The following SEPTIN9 variants were observed in gnomAD, a reference collection of about 807,000 sequenced individuals.
The protein encoded by SEPTIN9 is septin-9.
In SEPTIN9, 13 loss-of-function variants were observed where a neutral mutation model predicts 56.6. The ratio of observed to expected loss-of-function variants is 0.23; its 90% CI spans 0.15 to 0.37. The LOEUF (loss-of-function observed/expected upper bound fraction) is 0.37. Among genes scored for constraint, SEPTIN9 ranks in the 10% least tolerant of loss-of-function variants. The probability of loss-of-function intolerance (pLI) is 1.00; values close to 1 mark genes in which losing one functional copy is unlikely to be tolerated. For synonymous variants in SEPTIN9, 332 were observed against 334.1 expected (o/e 0.99, Z 0.07); for missense variants, 650 against 823.1 (o/e 0.79, Z 2.57).
At chr17:77,424,122 C>T (rs1439274934) in intron 3 of SEPTIN9, among the ~76,000 whole-genome samples, 2 of 152,256 alleles carry the variant, frequency 1.3e-5, no homozygotes, top group South Asian at 2.1e-4. Context: ...TGCGTCCTGA[C>T]GTACTCCAGG....
intron 4 of SEPTIN9, among the ~76,000 whole-genome samples, chr17:77,484,754 A>ATGGTGGTGGCGGTGG (rs1427289830): frequency 5.1e-5 from 1 of 19,518 alleles, no homozygotes; most frequent in Non-Finnish European, 9.8e-5. Flanking sequence ...GGTGGTTGTG[A>ATGGTGGTGGCGGTGG]TGGTGGTGAT....
Position 77,389,591 on chromosome 17 carries a change from A to G in SEPTIN9, c.77-12468A>G, listed in dbSNP as rs2144025027. 6.6e-6 allele frequency among the ~76,000 whole-genome samples: 1 copy of G among 152,180 alleles called. No homozygotes were observed. The highest frequency in any genetic ancestry group is 2.1e-4 in the South Asian group (1 of 4,814). ...TTATCAGGGAGTCTTTGACCCAAGG[A>G]GACCTGAAAGGTCATCTGGTCCCTC... On this transcript the variant is annotated intron_variant, in intron 2 of 11. Coordinates refer to ENST00000427177, the MANE Select transcript of SEPTIN9 (RefSeq NM_001113491.2). The surrounding 1 kb of genome is among the most constrained non-coding windows in gnomAD (Gnocchi z 4.3).
rs548944613 is a variant in SEPTIN9, at chr17:77,461,287, C to T, written c.722-20857C>T. Among the ~76,000 whole-genome samples the T allele has an allele frequency of 6.6e-5, 10 of 152,122 alleles. No individual in the cohort carries two copies. The South Asian group carries it at 2.1e-3, about 32-fold the overall frequency. On this transcript the variant is annotated intron_variant, in intron 3 of 11. Transcript: ENST00000427177. ...CACCACTGCACTCCAGCCTGGACGA[C>T]AGAGTGAGACTCTGTCTCAAAAAAA... is the stretch of plus-strand genomic sequence containing the variant.
At chr17:77,282,968 G>T (rs887853373) in intron 1 of SEPTIN9, among the ~76,000 whole-genome samples, 13 of 152,166 alleles carry the variant, frequency 8.5e-5, no homozygotes, top group African/African-American at 3.1e-4. Flanking sequence ...TCCAGACAGT[G>T]GGGGTGACCG....
intron 2 of SEPTIN9, among the ~76,000 whole-genome samples, chr17:77,377,568 C>T (rs1468917667): frequency 6.6e-6 from 1 of 152,010 alleles, no homozygotes; most frequent in African/African-American, 2.4e-5. Context: ...CTGAGCTTCT[C>T]CCGAGCCCCC....
At chr17:77,370,816 G>T (rs987440651) in intron 2 of SEPTIN9, among the ~76,000 whole-genome samples, 2 of 152,164 alleles carry the variant, frequency 1.3e-5, no homozygotes, top group African/African-American at 4.8e-5. Flanking sequence ...TAGCAATGAG[G>T]CCTCATTAAA....
At chr17:77,410,316 C>T (rs1163724727) in intron 3 of SEPTIN9, among the ~76,000 whole-genome samples, 1 of 152,150 alleles carries the variant, frequency 6.6e-6, no homozygotes, top group Non-Finnish European at 1.5e-5. Flanking sequence ...CCGGTCTCAT[C>T]CAGTGCAGGT....
chr17:77,358,152 T>C (rs1030812536), intron 2 of SEPTIN9, among the ~76,000 whole-genome samples: 18 of 152,150 alleles, frequency 1.2e-4, no homozygotes, highest in Admixed American at 3.3e-4. Context: ...CCAGTGAATG[T>C]CCCCACGGGG....
intron 2 of SEPTIN9, among the ~76,000 whole-genome samples, chr17:77,368,400 C>T (rs557638847): frequency 1.3e-5 from 2 of 152,174 alleles, no homozygotes; most frequent in African/African-American, 4.8e-5. Context: ...TAACCTCCGC[C>T]TCCCAGGTTC....
intron 3 of SEPTIN9, among the ~76,000 whole-genome samples, chr17:77,468,074 G>A (rs538232405): frequency 6.2e-4 from 95 of 152,180 alleles, no homozygotes; most frequent in Non-Finnish European, 1.2e-3. Context: ...GACCATCCTG[G>A]CTAACACGGT....
At chr17:77,289,254 G>T (rs1168262812) in intron 1 of SEPTIN9, among the ~76,000 whole-genome samples, 1 of 62,914 alleles carries the variant, frequency 1.6e-5, no homozygotes, top group Non-Finnish European at 3.7e-5. Flanking sequence ...GCGCCACCAT[G>T]CCTGGCTAAT....
rs557867017 is a variant in SEPTIN9 at position 77,393,626 on chromosome 17, G to A, written c.77-8433G>A. ...TTATTTGAGATGGAGTTGCGCTCTT[G>A]TTGCCCAGGATAGAGTGCAATGGCA... On this transcript the variant is annotated intron_variant, in intron 2 of 11. Transcript: ENST00000427177. Among the ~76,000 whole-genome samples the A allele has an allele frequency of 3.3e-5, 5 of 152,208 alleles. No individual in the cohort carries two copies. In the South Asian group the frequency reaches 1.0e-3, roughly 32 times the overall value.
In SEPTIN9 at chr17:77,364,906, C is replaced by G. The variant is rs376079110; in HGVS notation, c.77-37153C>G. On this transcript the variant is annotated intron_variant, in intron 2 of 11. Transcript: ENST00000427177. ...CAGGCCCAGGCCGCTGAGGCTGGCTCCAGAAATTTCTTCACAACCACCACT... is the reference window on the plus strand; with the variant it reads ...CAGGCCCAGGCCGCTGAGGCTGGCTGCAGAAATTTCTTCACAACCACCACT... 6.8e-4 allele frequency among the ~76,000 whole-genome samples: 104 copies of G among 152,336 alleles called. 1 individual carries two copies. The highest frequency in any genetic ancestry group is 2.5e-3 in the African/African-American group (103 of 41,576).
At chr17:77,489,002 A>G in intron 7 of SEPTIN9, 138 bp downstream of exon 7, 1 of 1,121,544 alleles carries the variant, frequency 8.9e-7, no homozygotes, top group African/African-American at 1.5e-5. Context: ...CCAGCTATGA[A>G]GTTGGGGGTG....
intron 2 of SEPTIN9, among the ~76,000 whole-genome samples, chr17:77,325,999 G>A (rs1008114020): frequency 1.3e-5 from 2 of 152,148 alleles, no homozygotes; most frequent in African/African-American, 4.8e-5. Flanking sequence ...GCGTGAGGGT[G>A]TCAGCCTTTT....
rs988140796 is a variant in SEPTIN9, at chr17:77,369,249, A to G, written c.77-32810A>G. Among the ~76,000 whole-genome samples the G allele has an allele frequency of 6.6e-6, 1 of 152,116 alleles. No individual in the cohort carries two copies. Among genetic ancestry groups the G allele is most frequent in the Non-Finnish European group, 1.5e-5 (1 of 68,004 alleles). On this transcript the variant is annotated intron_variant, in intron 2 of 11. Coordinates refer to ENST00000427177, the MANE Select transcript of SEPTIN9 (RefSeq NM_001113491.2). This position sits in a 1 kb window ranked among gnomAD's most constrained non-coding sequence, Gnocchi z 4.9. ...ACCCTGTCAAAAAAGAAAAGAAAAG[A>G]AAGAAATTGGCCAAGGCAGGAATAT...
Position 77,364,515 on chromosome 17 carries a change from C to T in SEPTIN9, c.77-37544C>T, listed in dbSNP as rs141892094. Among the ~76,000 whole-genome samples, 1,074 of 152,288 alleles carry T rather than the reference C, an allele frequency of 7.1e-3. 7 individuals carry two copies. The highest frequency in any genetic ancestry group is 0.018 in the South Asian group (89 of 4,828). On this transcript the variant is annotated intron_variant, in intron 2 of 11. Transcript: ENST00000427177. ...CCTCTTTGGAGTGTGCTGGGCAGAG[C>T]GGAGAGGTTCCTCTTCTCTCTTCTC...
At position 77,329,161 on chromosome 17, in the gene SEPTIN9, C is replaced by T. The variant is rs1223369016; in HGVS notation, c.76+21964C>T. Among the ~76,000 whole-genome samples, 1 of 152,222 alleles carries T rather than the reference C, an allele frequency of 6.6e-6. No homozygotes were observed. Among genetic ancestry groups the T allele is most frequent in the Non-Finnish European group, 1.5e-5 (1 of 68,040 alleles). On this transcript the variant is annotated intron_variant, in intron 2 of 11. Transcript: ENST00000427177. This position sits in a 1 kb window ranked among gnomAD's most constrained non-coding sequence, Gnocchi z 4.3. ...GATTTTATTCTCACTATGGTGGGACCTCAGTGCCCTGTGGCTGCTGAGAAT... is the reference window on the plus strand; with the variant it reads ...GATTTTATTCTCACTATGGTGGGACTTCAGTGCCCTGTGGCTGCTGAGAAT...
At chr17:77,380,704 T>C (rs2143964493) in intron 2 of SEPTIN9, among the ~76,000 whole-genome samples, 1 of 152,242 alleles carries the variant, frequency 6.6e-6, no homozygotes, top group South Asian at 2.1e-4. Context: ...CAAGCTCTGG[T>C]CACAGCCTCG....
Sources: allele counts gnomAD v4.1 joint callset (sites outside exome capture counted in the v4.1 genomes callset), GRCh38; gene constraint gnomAD v4.1.1; non-coding constraint Gnocchi (gnomAD v3.1); transcripts MANE v1.5; gene names NCBI Gene and HGNC (gene_info 2026-07-23, HGNC 2026-07-21).